Variants in CFAP77 observed in about 807,000 individuals in gnomAD.
The protein encoded by CFAP77 is cilia and flagella associated protein 77, also known as cilia- and flagella-associated protein 77.
Under a neutral mutation model 31.1 loss-of-function variants are expected in CFAP77, and 25 were observed. That is an observed-to-expected ratio of 0.80 (90% confidence interval 0.59 to 1.12). The LOEUF (loss-of-function observed/expected upper bound fraction) is 1.12, where lower values mean the gene tolerates loss of function less well. Among genes scored for constraint, CFAP77 ranks in the 50% most tolerant of loss-of-function variants. CFAP77 has a pLI of 0.00. For synonymous variants in CFAP77, 151 were observed against 159.9 expected, an observed-to-expected ratio of 0.94 and a Z score of 0.42; for missense variants, 377 against 397.3, an observed-to-expected ratio of 0.95 and a Z score of 0.44.
chr9:132,498,766 C>G lies in CFAP77; in HGVS notation c.267C>G (p.Ile89Met). 1 of 1,611,220 alleles carries G rather than the reference C, an allele frequency of 6.2e-7. No homozygotes were observed. The highest frequency in any genetic ancestry group is 8.5e-7 in the Non-Finnish European group (1 of 1,178,566). ...PGINFNYGLYIRGLDGGVPEA... is the reference protein window; with the variant it reads ...PGINFNYGLYMRGLDGGVPEA... Reference sequence around the variant, plus strand: ...TTAATTTTAATTATGGACTCTACATCCGAGGGCTTGACGGAGGAGTCCCTG... The same window carrying G: ...TTAATTTTAATTATGGACTCTACATGCGAGGGCTTGACGGAGGAGTCCCTG... Residue 89 changes from isoleucine (I) to methionine (M), a missense_variant, in exon 2 of 6, where the codon ATC (isoleucine) becomes ATG (methionine). By Grantham distance (10) the Ile-to-Met change is conservative. Transcript: ENST00000393216. This position sits in a 1 kb window ranked among gnomAD's most constrained non-coding sequence, Gnocchi z 4.2.
At chr9:132,550,696 T>G (rs1852808784) in intron 5 of CFAP77, among the ~76,000 whole-genome samples, 1 of 151,968 alleles carries the variant, frequency 6.6e-6, no homozygotes, top group South Asian at 2.1e-4. Flanking sequence ...ATTTTTTTTT[T>G]GTAGAAACAG....
intron 1 of CFAP77, among the ~76,000 whole-genome samples, chr9:132,491,257 C>G (rs999635395): frequency 2.0e-5 from 3 of 152,200 alleles, no homozygotes; most frequent in Admixed American, 2.0e-4. Context: ...CACTTGAGGT[C>G]AGGAGTTCCA....
chr9:132,559,696 T>G (rs1389147498), intron 5 of CFAP77, among the ~76,000 whole-genome samples: 1 of 152,080 alleles, frequency 6.6e-6, no homozygotes, highest in Non-Finnish European at 1.5e-5. Flanking sequence ...CCAAGAGAAA[T>G]GAAAACATAC....
intron 1 of CFAP77, among the ~76,000 whole-genome samples, chr9:132,427,079 C>T (rs1259289964): frequency 1.3e-5 from 2 of 152,154 alleles, no homozygotes; most frequent in African/African-American, 4.8e-5. Flanking sequence ...ATATAAGAAG[C>T]CTGCAGCTAA....
intron 3 of CFAP77, chr9:132,513,502 G>A (rs77941965): frequency 0.038 from 36,327 of 955,354 alleles, 805 homozygotes; most frequent in Middle Eastern, 0.071. Context: ...TCCACCCAGC[G>A]TGCCCAGTTT....
chr9:132,554,372 G>C lies in CFAP77; in HGVS notation c.732+11325G>C, dbSNP rs566285337. Among the ~76,000 whole-genome samples the C allele has an allele frequency of 1.8e-4, 28 of 151,548 alleles. No individual in the cohort carries two copies. Among genetic ancestry groups the C allele is most frequent in the African/African-American group, 5.8e-4 (24 of 41,270 alleles). ...TTATTTATTTTTTTTTTTGAGACAG[G>C]CTCTCACTCTGTCACCCAGGCTGGA... On this transcript the variant is annotated intron_variant, in intron 5 of 5. Transcript: ENST00000393216. This position sits in a 1 kb window ranked among gnomAD's most constrained non-coding sequence, Gnocchi z 4.1.
intron 1 of CFAP77, among the ~76,000 whole-genome samples, chr9:132,488,877 G>A (rs1851607262): frequency 6.6e-6 from 1 of 152,190 alleles, no homozygotes; most frequent in Admixed American, 6.5e-5. Flanking sequence ...GTTTTAATTA[G>A]AGCTGAGAGA....
chr9:132,469,240 AT>A lies in CFAP77; in HGVS notation c.196-29451del, dbSNP rs1314933563. Among the ~76,000 whole-genome samples, 4 of 152,144 alleles carry A rather than the reference AT, an allele frequency of 2.6e-5. No homozygotes were observed. The East Asian group carries it at 7.7e-4, about 29-fold the overall frequency. On this transcript the variant is annotated intron_variant, in intron 1 of 5. Coordinates refer to ENST00000393216, the MANE Select transcript of CFAP77 (RefSeq NM_001282957.2). ...GACCAGCTCATGCAATCACAGAGAT[AT>A]TTTCCCCCAAGCGCCTTACAAAAGC...
At chr9:132,450,839 G>A (rs1274373214) in intron 1 of CFAP77, among the ~76,000 whole-genome samples, 1 of 152,216 alleles carries the variant, frequency 6.6e-6, no homozygotes, top group African/African-American at 2.4e-5. Flanking sequence ...CCAGGAGGAG[G>A]CTATGGCAGT....
intron 3 of CFAP77, among the ~76,000 whole-genome samples, chr9:132,524,878 G>A (rs1410198688): frequency 2.0e-5 from 3 of 148,714 alleles, no homozygotes; most frequent in Admixed American, 6.7e-5. Context: ...TCGATCTCCT[G>A]ACCTCATGAT....
intron 1 of CFAP77, among the ~76,000 whole-genome samples, chr9:132,428,701 TG>T (rs1396201358): frequency 6.6e-6 from 1 of 152,024 alleles, no homozygotes; most frequent in Non-Finnish European, 1.5e-5. Flanking sequence ...TCCAAACAGC[TG>T]GGGAGGCGCA....
At chr9:132,417,355 C>T (rs968856309) in intron 1 of CFAP77, among the ~76,000 whole-genome samples, 14 of 152,050 alleles carry the variant, frequency 9.2e-5, no homozygotes, top group African/African-American at 2.9e-4. Flanking sequence ...CCTCGTGATC[C>T]GCCCACCTCG....
intron 5 of CFAP77, among the ~76,000 whole-genome samples, chr9:132,551,076 C>T (rs182024099): frequency 6.6e-6 from 1 of 151,996 alleles, no homozygotes; most frequent in Admixed American, 6.6e-5. Flanking sequence ...TTCTTCCCCT[C>T]CTCTCCTCAA....
intron 5 of CFAP77, among the ~76,000 whole-genome samples, chr9:132,543,396 G>A (rs1485638603): frequency 1.3e-5 from 2 of 152,224 alleles, no homozygotes; most frequent in Non-Finnish European, 2.9e-5. Flanking sequence ...CAGTCTTCCT[G>A]TAGAGGAGGC....
rs72767806 is a variant in CFAP77 at position 132,495,418 on chromosome 9, C to T, written c.196-3277C>T. Among the ~76,000 whole-genome samples, 11,719 of 152,190 alleles carry T rather than the reference C, an allele frequency of 0.077. 539 individuals are homozygous for T. The highest frequency in any genetic ancestry group is 0.12 in the Middle Eastern group (35 of 292). On this transcript the variant is annotated intron_variant, in intron 1 of 5. Coordinates refer to ENST00000393216, the MANE Select transcript of CFAP77 (RefSeq NM_001282957.2). This position sits in a 1 kb window ranked among gnomAD's most constrained non-coding sequence, Gnocchi z 4.2. ...AGAGAAGTCACATTTTAATTAACTT[C>T]CCCGGCAGTCACTGGAGAGGCCGGA...
chr9:132,445,564 C>G (rs1049349956), intron 1 of CFAP77, among the ~76,000 whole-genome samples: 1 of 152,096 alleles, frequency 6.6e-6, no homozygotes, highest in Non-Finnish European at 1.5e-5. Flanking sequence ...AGGTTATTGG[C>G]TTTTGAAAAA....
chr9:132,491,584 G>A (rs145698365), intron 1 of CFAP77, among the ~76,000 whole-genome samples: 62 of 152,318 alleles, frequency 4.1e-4, no homozygotes, highest in African/African-American at 1.3e-3. Flanking sequence ...CTGCACAGTC[G>A]TAGGAGGGGC....
chr9:132,465,094 GA>G (rs920426277), intron 1 of CFAP77, among the ~76,000 whole-genome samples: 64 of 134,190 alleles, frequency 4.8e-4, no homozygotes, highest in African/African-American at 1.9e-3. Flanking sequence ...AAAAAAAAAA[GA>G]AAAAAAGAAA....
chr9:132,570,923 T>C (rs1169222715), intron 5 of CFAP77, among the ~76,000 whole-genome samples: 1 of 152,158 alleles, frequency 6.6e-6, no homozygotes, highest in African/African-American at 2.4e-5. Flanking sequence ...CCTAGGCCTC[T>C]GTTCCCTCGT....
Sources: gnomAD v4.1 joint callset for allele counts (sites outside exome capture counted in the v4.1 genomes callset) on GRCh38, gnomAD v4.1.1 for gene constraint, Gnocchi (gnomAD v3.1) non-coding constraint, MANE v1.5 for transcripts, NCBI Gene and HGNC (gene_info 2026-07-23, HGNC 2026-07-21) for gene names.